MYO16: variants seen among roughly 807,000 people sequenced by gnomAD.
The protein encoded by MYO16 is myosin XVI.
A neutral mutation model predicts 205.3 loss-of-function variants in MYO16; 94 were observed. The ratio of observed to expected loss-of-function variants is 0.46; its 90% confidence interval spans 0.39 to 0.54. The LOEUF (loss-of-function observed/expected upper bound fraction) is 0.54. Ranked by LOEUF, MYO16 falls within the 20% of genes least tolerant of loss-of-function variation. The probability of loss-of-function intolerance (pLI) is 0.00; values close to 1 mark genes in which losing one functional copy is unlikely to be tolerated. For missense variants in MYO16, 2,315 were observed against 2,387.5 expected, an observed-to-expected ratio of 0.97 and a Z score of 0.63; for synonymous variants, 988 against 954.0, an observed-to-expected ratio of 1.04 and a Z score of -0.66.
intron 16 of MYO16, among the ~76,000 whole-genome samples, chr13:108,956,276 C>T (rs748089651): frequency 5.9e-5 from 9 of 152,106 alleles, no homozygotes; most frequent in South Asian, 2.1e-4. Context: ...TCCACCTCCC[C>T]GTGCCCAGTT....
intron 9 of MYO16, among the ~76,000 whole-genome samples, chr13:108,827,762 A>G (rs1876356633): frequency 6.6e-6 from 1 of 152,022 alleles, no homozygotes; most frequent in South Asian, 2.1e-4. Context: ...CTGTCTTCAG[A>G]TGTATTTAAG....
intron 33 of MYO16, among the ~76,000 whole-genome samples, chr13:109,175,772 T>C (rs1336288220): frequency 6.6e-6 from 1 of 151,280 alleles, no homozygotes; most frequent in Non-Finnish European, 1.5e-5. Flanking sequence ...TTCCACCTTT[T>C]AATGAAGGCA....
chr13:109,146,813 GAGAA>G (rs1002070757), intron 32 of MYO16, among the ~76,000 whole-genome samples: 15 of 142,012 alleles, frequency 1.1e-4, no homozygotes, highest in African/African-American at 3.6e-4. Flanking sequence ...AGAAAGAAGA[GAGAA>G]AGAAAGAAAG....
intron 4 of MYO16, among the ~76,000 whole-genome samples, chr13:108,753,370 C>CAAAAAAAAAAAAAAAAAAAAAAAAAAAA (rs534466420): frequency 5.4e-5 from 6 of 111,782 alleles, no homozygotes; most frequent in African/African-American, 1.9e-4. Context: ...AACTCTGTGA[C>CAAAAAAAAAAAAAAAAAAAAAAAAAAAA]AAAAAAAAAA....
intron 20 of MYO16, among the ~76,000 whole-genome samples, chr13:108,989,596 T>C (rs1185115832): frequency 3.3e-5 from 5 of 152,168 alleles, no homozygotes; most frequent in South Asian, 4.1e-4. Flanking sequence ...TTTGTAGTTA[T>C]AGTAATTAAG....
At chr13:108,728,860 C>A (rs531530892) in intron 4 of MYO16, among the ~76,000 whole-genome samples, 2 of 152,306 alleles carry the variant, frequency 1.3e-5, no homozygotes, top group East Asian at 1.9e-4. Context: ...TCTTCCCCCC[C>A]TCTTAAAATT....
intron 23 of MYO16, 59 bp downstream of exon 23, chr13:109,019,970 C>T (rs1384537331): frequency 2.0e-6 from 3 of 1,525,200 alleles, no homozygotes; most frequent in Non-Finnish European, 2.7e-6. Context: ...GTCCTTGGGA[C>T]AAGCTCTAGA....
At chr13:108,813,971 C>T (rs892544856) in intron 7 of MYO16, among the ~76,000 whole-genome samples, 13 of 152,172 alleles carry the variant, frequency 8.5e-5, no homozygotes, top group African/African-American at 2.6e-4. Flanking sequence ...ATTGACTTTA[C>T]GAAAAGAAAG....
At chr13:109,003,731 C>T (rs1000612157) in intron 21 of MYO16, among the ~76,000 whole-genome samples, 1 of 152,104 alleles carries the variant, frequency 6.6e-6, no homozygotes, top group Non-Finnish European at 1.5e-5. Flanking sequence ...ACGAAAAAAA[C>T]AATTACAGTA....
intron 4 of MYO16, among the ~76,000 whole-genome samples, chr13:108,745,706 C>T (rs1885039178): frequency 6.6e-6 from 1 of 151,964 alleles, no homozygotes; most frequent in Non-Finnish European, 1.5e-5. Context: ...AACATCAGAA[C>T]CAGTCACAGA....
chr13:108,517,953 A>T, the MYO16 span, among the ~76,000 whole-genome samples: 13 of 152,184 alleles, frequency 8.5e-5, no homozygotes, highest in Non-Finnish European at 1.5e-4. Context: ...ATGAGGCACT[A>T]AACCTCTTCA....
the MYO16 span, among the ~76,000 whole-genome samples, chr13:108,527,795 G>A: frequency 1.3e-5 from 2 of 152,116 alleles, no homozygotes; most frequent in Admixed American, 1.3e-4. Context: ...AACTCTGTTT[G>A]TTTTGCCTAC....
intron 4 of MYO16, among the ~76,000 whole-genome samples, chr13:108,774,037 C>G (rs753936916): frequency 2.0e-5 from 3 of 151,972 alleles, no homozygotes; most frequent in Non-Finnish European, 4.4e-5. Flanking sequence ...GTTGCAGTGA[C>G]CCGAGATTGC....
chr13:109,199,377 G>T (rs1422433912), intron 34 of MYO16, among the ~76,000 whole-genome samples: 5 of 151,374 alleles, frequency 3.3e-5, no homozygotes, highest in Non-Finnish European at 7.4e-5. Context: ...AGAGGCATAC[G>T]ATGCAAGCGT....
At chr13:108,606,646 C>T (rs546533049) in intron 1 of MYO16, among the ~76,000 whole-genome samples, 1 of 152,268 alleles carries the variant, frequency 6.6e-6, no homozygotes, top group Admixed American at 6.5e-5. Context: ...CCTCAGAGAA[C>T]CTCTGCTAGG....
chr13:108,560,000 C>G, the MYO16 span, among the ~76,000 whole-genome samples: 96 of 152,312 alleles, frequency 6.3e-4, no homozygotes, highest in Non-Finnish European at 5.7e-4. Context: ...TAAAGCCCCT[C>G]TAACACCCTT....
chr13:108,725,561 GC>G (rs1480906906), intron 3 of MYO16, among the ~76,000 whole-genome samples: 4 of 152,094 alleles, frequency 2.6e-5, no homozygotes, highest in Non-Finnish European at 5.9e-5. Context: ...TCTACCCAGT[GC>G]TCTGTCAGTT....
chr13:108,555,391 A>G, the MYO16 span, among the ~76,000 whole-genome samples: 1 of 152,240 alleles, frequency 6.6e-6, no homozygotes, highest in Admixed American at 6.5e-5. Flanking sequence ...TGGAGCCAAC[A>G]TCATAAAGGT....
intron 23 of MYO16, among the ~76,000 whole-genome samples, chr13:109,026,042 A>G (rs960495917): frequency 1.5e-4 from 23 of 152,306 alleles, no homozygotes; most frequent in Admixed American, 8.5e-4. Flanking sequence ...TCCCATTGTG[A>G]TTGGCCTGAA....
Sources: allele counts gnomAD v4.1 joint callset (sites outside exome capture counted in the v4.1 genomes callset), GRCh38; gene constraint gnomAD v4.1.1; transcripts MANE v1.5; gene names NCBI Gene and HGNC (gene_info 2026-07-23, HGNC 2026-07-21).